The following BAIAP2 variants were observed in gnomAD, a reference collection of about 807,000 sequenced individuals.
BAIAP2 encodes BAR/IMD domain-containing adapter protein 2.
Under a neutral mutation model 63.0 loss-of-function variants are expected in BAIAP2, and 18 were observed. The observed-to-expected ratio is 0.29, with a 90% CI of 0.20 to 0.42. The LOEUF (loss-of-function observed/expected upper bound fraction) is 0.42, where lower values mean the gene tolerates loss of function less well. BAIAP2 is among the 10% of genes least tolerant of loss of function. BAIAP2 has a pLI of 1.00. For missense variants in BAIAP2, 610 were observed against 734.3 expected (o/e 0.83, Z 1.96); for synonymous variants, 386 against 307.6 (o/e 1.25, Z -2.67).
chr17:81,109,395 A>G (rs2059617465), intron 13 of BAIAP2: 4 of 808,024 alleles, frequency 5.0e-6, no homozygotes, highest in Non-Finnish European at 5.8e-6. Context: ...AAAAAAAAAA[A>G]GAAAAAAAGA....
In BAIAP2 at chr17:81,104,504, G is replaced by T; in HGVS notation, c.1067-10G>T. The stretch of plus-strand genomic sequence containing the variant: ...GGGGCAGTCCCCTTACCTGTCCCTT[G>T]TCCCAGCAGCCGAGAACAAGACTCT... On this transcript the variant is annotated splice_polypyrimidine_tract_variant and intron_variant, in intron 9 of 13. Transcript: ENST00000428708. 6.3e-7 allele frequency: 1 copy of T among 1,583,448 alleles called. No individual in the cohort carries two copies. The highest frequency in any genetic ancestry group is 8.6e-7 in the Non-Finnish European group (1 of 1,160,636).
rs746958217 is a variant in BAIAP2, at chr17:81,103,976, C to T, written c.934C>T (p.Pro312Ser). 2.5e-6 allele frequency: 4 copies of T among 1,613,112 alleles called. No individual in the cohort carries two copies. The highest frequency in any genetic ancestry group is 2.2e-5 in the East Asian group (1 of 44,878). ...VTGPDGEDYS[P>S]WADRKAAQPK... Reference sequence around the variant, plus strand: ...AGGCCCGGATGGCGAGGACTACAGCCCGTGGGCTGACCGCAAGGCTGCCCA... The same window carrying T: ...AGGCCCGGATGGCGAGGACTACAGCTCGTGGGCTGACCGCAAGGCTGCCCA... Residue 312 changes from proline to serine, a missense_variant, in exon 9 of 14, where the codon CCG becomes TCG. Transcript: ENST00000428708.
At chr17:81,108,302 G>T in intron 12 of BAIAP2, 173 bp from the exon 13 acceptor site, 1 of 661,024 alleles carries the variant, frequency 1.5e-6, no homozygotes. Context: ...ACTGGGACCA[G>T]GGCTCCAGGC....
chr17:81,059,731 G>A (rs911532112), intron 3 of BAIAP2, among the ~76,000 whole-genome samples: 6 of 152,186 alleles, frequency 3.9e-5, no homozygotes, highest in African/African-American at 9.7e-5. Context: ...GATTATAGGC[G>A]TGAGCCACCA....
chr17:81,086,880 C>T, intron 6 of BAIAP2: 1 of 291,304 alleles, frequency 3.4e-6, no homozygotes, highest in East Asian at 6.8e-5. Flanking sequence ...CCATCCCTGC[C>T]CGGGAGTCCG....
intron 1 of BAIAP2, among the ~76,000 whole-genome samples, chr17:81,045,502 A>T (rs2047679990): frequency 6.6e-6 from 1 of 150,846 alleles, no homozygotes; most frequent in Non-Finnish European, 1.5e-5. Flanking sequence ...GAGTCCCTGC[A>T]CCTCGGGCCC....
At chr17:81,054,842 C>T in intron 2 of BAIAP2, among the ~76,000 whole-genome samples, 1 of 152,144 alleles carries the variant, frequency 6.6e-6, no homozygotes, top group East Asian at 1.9e-4. Flanking sequence ...TGGGGAGTGG[C>T]TTCCTTGTCG....
chr17:81,074,035 T>C (rs1487806509), intron 3 of BAIAP2, among the ~76,000 whole-genome samples: 3 of 152,206 alleles, frequency 2.0e-5, no homozygotes, highest in Admixed American at 6.5e-5. Context: ...GGACCCTTGA[T>C]GAGAACCTGG....
chr17:81,067,869 G>A (rs2051794965), intron 3 of BAIAP2, among the ~76,000 whole-genome samples: 1 of 152,252 alleles, frequency 6.6e-6, no homozygotes, highest in African/African-American at 2.4e-5. Context: ...GATGGCACCT[G>A]CCGTCCCTCG....
chr17:81,100,101 G>T (rs138845505), intron 7 of BAIAP2, 21 bp downstream of exon 7: 1,066 of 1,598,718 alleles, frequency 6.7e-4, no homozygotes, highest in Middle Eastern at 2.0e-3. Flanking sequence ...TGGGGGCTGC[G>T]CTGTGCCGGC....
chr17:81,065,197 C>T (rs560301984), intron 3 of BAIAP2, among the ~76,000 whole-genome samples: 1 of 152,234 alleles, frequency 6.6e-6, no homozygotes, highest in African/African-American at 2.4e-5. Context: ...GTAGGCCAGT[C>T]CTGGCATGTG....
chr17:81,067,514 C>T (rs550177325), intron 3 of BAIAP2, among the ~76,000 whole-genome samples: 3 of 152,348 alleles, frequency 2.0e-5, no homozygotes, highest in East Asian at 1.9e-4. Context: ...GATTAGCAGC[C>T]GTCCTGATTG....
rs187025753 is a variant in BAIAP2, at chr17:81,070,188, G to A, written c.217+12221G>A. Among the ~76,000 whole-genome samples, 4 of 152,226 alleles carry A rather than the reference G, an allele frequency of 2.6e-5. No individual in the cohort carries two copies. The East Asian group carries it at 7.8e-4, about 30-fold the overall frequency. On this transcript the variant is annotated intron_variant, in intron 3 of 13. Coordinates refer to ENST00000428708, the MANE Select transcript of BAIAP2 (RefSeq NM_001144888.2). ...TGCCCAGGCTGGTCTCGAACTCCTG[G>A]ACTCAAGTGATCCTCCTATCTCGGC... is the stretch of plus-strand genomic sequence containing the variant.
intron 13 of BAIAP2, chr17:81,110,945 G>T (rs373875698): frequency 6.2e-7 from 1 of 1,613,882 alleles, no homozygotes; most frequent in Non-Finnish European, 8.5e-7. Flanking sequence ...ATTCTGAGCC[G>T]CCTGACTAGA....
At chr17:81,095,808 T>C (rs2057520494) in intron 6 of BAIAP2, among the ~76,000 whole-genome samples, 1 of 152,134 alleles carries the variant, frequency 6.6e-6, no homozygotes, top group African/African-American at 2.4e-5. Flanking sequence ...CTCCCAGCCA[T>C]TTACGGGGCT....
intron 1 of BAIAP2, among the ~76,000 whole-genome samples, chr17:81,041,192 G>C (rs1007809521): frequency 2.0e-5 from 3 of 152,222 alleles, no homozygotes; most frequent in Non-Finnish European, 4.4e-5. Flanking sequence ...CAGGCCTGCC[G>C]GGAGGAGTCT....
At chr17:81,088,235 A>C (rs185166586) in intron 6 of BAIAP2, among the ~76,000 whole-genome samples, 1 of 152,204 alleles carries the variant, frequency 6.6e-6, no homozygotes, top group East Asian at 1.9e-4. Flanking sequence ...AGCTTGTCTT[A>C]AGGGGGACTT....
intron 2 of BAIAP2, among the ~76,000 whole-genome samples, chr17:81,055,574 G>GTTGTTTTTT (rs2049367558): frequency 3.2e-5 from 4 of 123,406 alleles, no homozygotes; most frequent in African/African-American, 1.1e-4. Context: ...AGGGTGTTTT[G>GTTGTTTTTT]TTTTTTTTTG....
At chr17:81,077,117 C>T (rs915294485) in intron 3 of BAIAP2, among the ~76,000 whole-genome samples, 2 of 152,168 alleles carry the variant, frequency 1.3e-5, no homozygotes, top group Admixed American at 6.5e-5. Flanking sequence ...ACAGAGATGC[C>T]GTGAGACTGG....
Sources: gnomAD v4.1 joint callset for allele counts (sites outside exome capture counted in the v4.1 genomes callset) on GRCh38, gnomAD v4.1.1 for gene constraint, MANE v1.5 for transcripts, NCBI Gene and HGNC (gene_info 2026-07-23, HGNC 2026-07-21) for gene names.